Variants in RNF38 observed in about 807,000 individuals in gnomAD.
RNF38 encodes the protein E3 ubiquitin-protein ligase RNF38.
Under a neutral mutation model 67.2 loss-of-function variants are expected in RNF38, and 15 were observed. That is an observed-to-expected ratio of 0.22 (90% CI 0.15 to 0.34). The LOEUF (loss-of-function observed/expected upper bound fraction) is 0.34. RNF38 is among the 10% of genes least tolerant of loss of function. RNF38 has a pLI of 1.00. For synonymous variants in RNF38, 220 were observed against 218.8 expected (o/e 1.01, Z -0.05); for missense variants, 524 against 639.9 (o/e 0.82, Z 1.95).
At chr9:36,378,904 C>T (rs1234463290) in intron 2 of RNF38, among the ~76,000 whole-genome samples, 3 of 144,788 alleles carry the variant, frequency 2.1e-5, no homozygotes, top group African/African-American at 5.1e-5. Flanking sequence ...TTTCTTTTTC[C>T]TTTTTTTTTT....
rs1834243964 is a variant in RNF38, at chr9:36,357,848, C to T, written c.665G>A (p.Ser222Asn). 2 of 1,613,212 alleles carry T rather than the reference C, an allele frequency of 1.2e-6. No individual in the cohort carries two copies. Among genetic ancestry groups the T allele is most frequent in the Non-Finnish European group, 1.7e-6 (2 of 1,179,194 alleles). The part of the protein sequence containing the change: ...LCTGQHIPAC[S>N]TQQVPGCSVV... Reference sequence around the variant, plus strand: ...AGAGCATCCTGGGACCTGCTGTGTACTACAAGCAGGGATGTGCTGGCCTGT... The same window carrying T: ...AGAGCATCCTGGGACCTGCTGTGTATTACAAGCAGGGATGTGCTGGCCTGT... The change falls in exon 5 of 12, where the codon AGT becomes AAT. Residue 222 changes from serine (S) to asparagine (N), a missense_variant. This residue lies in a region of RNF38 where 461 missense variants were observed against 517.4 expected (regional missense o/e 0.89). Transcript: ENST00000259605.
chr9:36,432,662 G>A (rs1007678679), intron 1 of RNF38, among the ~76,000 whole-genome samples: 1 of 151,920 alleles, frequency 6.6e-6, no homozygotes, highest in Non-Finnish European at 1.5e-5. Context: ...GCGTGGTGGT[G>A]GGCACCTGCA....
chr9:36,355,494 C>T (rs1013158977), intron 6 of RNF38, among the ~76,000 whole-genome samples: 2 of 152,150 alleles, frequency 1.3e-5, no homozygotes, highest in Admixed American at 6.5e-5. Context: ...CTTTTCATCA[C>T]AACATAGTGA....
At chr9:36,341,625 A>G (rs1187219698) in intron 11 of RNF38, among the ~76,000 whole-genome samples, 2 of 151,640 alleles carry the variant, frequency 1.3e-5, no homozygotes, top group Non-Finnish European at 2.9e-5. Context: ...TAATCCCAAC[A>G]CTTTGGGAGG....
chr9:36,383,293 C>T (rs1836343649), intron 2 of RNF38, among the ~76,000 whole-genome samples: 1 of 152,170 alleles, frequency 6.6e-6, no homozygotes, highest in Non-Finnish European at 1.5e-5. Flanking sequence ...CCTCCGCCTC[C>T]TGGGTTTAGG....
upstream of RNF38, among the ~76,000 whole-genome samples, chr9:36,403,522 C>T (rs1336360984): frequency 6.6e-6 from 1 of 152,142 alleles, no homozygotes; most frequent in African/African-American, 2.4e-5. Context: ...GACTCTGAGG[C>T]TCCCTTTAAA....
chr9:36,400,663 G>C (rs1346147906), upstream of RNF38: 1 of 985,772 alleles, frequency 1.0e-6, no homozygotes, highest in Non-Finnish European at 1.2e-6. Flanking sequence ...CAGATCCGCC[G>C]TCCGCGGGCC....
At position 36,431,349 on chromosome 9, in the gene RNF38, TACTGAATACTGTAGGCAACTGTA is replaced by T. The variant is rs1488972424; in HGVS notation, n.242-6689_242-6667del. Among the ~76,000 whole-genome samples, 7 of 152,184 alleles carry T rather than the reference TACTGAATACTGTAGGCAACTGTA, an allele frequency of 4.6e-5. No homozygotes were observed. The East Asian group carries it at 7.7e-4, about 17-fold the overall frequency. ...CACAAACCTGTATAGCACGTTACTG[TACTGAATACTGTAGGCAACTGTA>T]ACACAATGGTATTTGCGTATCAAAA... On this transcript the variant is annotated intron_variant and non_coding_transcript_variant, in intron 1 of 3. Transcript: ENST00000488058.
At chr9:36,475,665 A>T (rs1260327340) in intron 1 of RNF38, among the ~76,000 whole-genome samples, 1 of 150,618 alleles carries the variant, frequency 6.6e-6, no homozygotes, top group Admixed American at 6.6e-5. Context: ...GCCTCAAATC[A>T]TTATTTTTTA....
rs58149705 is a variant in RNF38 at position 36,413,695 on chromosome 9, T to TTTTGTTTGTTTG, written n.312+10906_312+10917dup. ...TTTCAGCTCTTAGGTCTATTCCTAG[T>TTTTGTTTGTTTG]TTTGTTTGTTTGTTTTTGCAGCTAT... On this transcript the variant is annotated intron_variant and non_coding_transcript_variant, in intron 2 of 3. Coordinates refer to the RNF38 transcript ENST00000488058. 1.8e-3 allele frequency among the ~76,000 whole-genome samples: 269 copies of TTTTGTTTGTTTG among 151,172 alleles called. 1 individual carries two copies. Among genetic ancestry groups the TTTTGTTTGTTTG allele is most frequent in the Non-Finnish European group, 2.4e-3 (161 of 67,572 alleles).
intron 2 of RNF38, among the ~76,000 whole-genome samples, chr9:36,389,639 GATC>G (rs1235509141): frequency 6.6e-6 from 1 of 152,140 alleles, no homozygotes; most frequent in Non-Finnish European, 1.5e-5. Flanking sequence ...AAGAGCCCTA[GATC>G]ACCTATCCCT....
chr9:36,356,174 A>T, intron 6 of RNF38, 129 bp downstream of exon 6: 1 of 880,878 alleles, frequency 1.1e-6, no homozygotes, highest in Non-Finnish European at 1.7e-6. Flanking sequence ...CATGCCATTT[A>T]AACATAGTAA....
chr9:36,407,007 C>T (rs1273986545), intron 2 of RNF38, among the ~76,000 whole-genome samples: 1 of 151,578 alleles, frequency 6.6e-6, no homozygotes, highest in Non-Finnish European at 1.5e-5. Context: ...ACCAAAAATA[C>T]AAAAAAAACC....
chr9:36,422,516 AATCT>A (rs1564056665), intron 2 of RNF38, among the ~76,000 whole-genome samples: 1 of 152,298 alleles, frequency 6.6e-6, no homozygotes, highest in Admixed American at 6.5e-5. Flanking sequence ...GCTATACTAG[AATCT>A]ATCTGTTTTC....
upstream of RNF38, chr9:36,487,621 G>A (rs1175269138): frequency 2.8e-5 from 27 of 973,602 alleles, no homozygotes; most frequent in Non-Finnish European, 3.2e-5. Context: ...GGCGCTGGCT[G>A]GGCCCCGGCC....
chr9:36,485,411 C>T lies in RNF38; in HGVS notation n.241+1897G>A, dbSNP rs1840383065. Among the ~76,000 whole-genome samples the T allele has an allele frequency of 2.6e-5, 4 of 152,084 alleles. No homozygotes were observed. The South Asian group carries it at 8.3e-4, about 32-fold the overall frequency. On this transcript the variant is annotated intron_variant and non_coding_transcript_variant, in intron 1 of 3. Transcript: ENST00000488058. ...CCACTACTCTCTAAGGTGGTTGGAT[C>T]CATTTACATTTCCACTACACTATAT... is the stretch of plus-strand genomic sequence containing the variant.
rs1046009867 is a variant in RNF38, at chr9:36,423,979, G to GC, written n.312+633dup. On this transcript the variant is annotated intron_variant and non_coding_transcript_variant, in intron 2 of 3. Transcript: ENST00000488058. ...AAAAAAAAAAAAAAAAAAAAGAAAA[G>GC]CCCCCCCTAGAGACCAGGTTTCTTT... 1.9e-4 allele frequency among the ~76,000 whole-genome samples: 26 copies of GC among 138,620 alleles called. 7 individuals are homozygous for GC. Among genetic ancestry groups the GC allele is most frequent in the African/African-American group, 6.0e-4 (22 of 36,588 alleles). 90.9% of individuals were successfully genotyped at this position (138,620 alleles called of 152,430 possible).
At chr9:36,396,858 T>C (rs1247490773) in intron 1 of RNF38, among the ~76,000 whole-genome samples, 2 of 151,834 alleles carry the variant, frequency 1.3e-5, no homozygotes, top group African/African-American at 2.4e-5. Context: ...CCCTCTGAGA[T>C]GTTACTACCC....
At chr9:36,370,610 G>T (rs1210577199) in intron 3 of RNF38, among the ~76,000 whole-genome samples, 1 of 152,062 alleles carries the variant, frequency 6.6e-6, no homozygotes, top group Non-Finnish European at 1.5e-5. Flanking sequence ...TTTTAAATTA[G>T]AATTTGCTTG....
Sources: gnomAD v4.1 joint callset for allele counts (sites outside exome capture counted in the v4.1 genomes callset) on GRCh38, gnomAD v4.1.1 for gene constraint, gnomAD v4.1.1 regional missense constraint, MANE v1.5 for transcripts, NCBI Gene and HGNC (gene_info 2026-07-23, HGNC 2026-07-21) for gene names.